SYT17: variants seen among roughly 807,000 people sequenced by gnomAD.
SYT17 encodes synaptotagmin-17.
Under a neutral mutation model 46.7 loss-of-function variants are expected in SYT17, and 22 were observed. The ratio of observed to expected loss-of-function variants is 0.47; its 90% CI spans 0.34 to 0.67. SYT17 has a LOEUF of 0.67. Ranked by LOEUF, SYT17 falls within the 30% of genes least tolerant of loss-of-function variation. SYT17 has a pLI of 0.01. For synonymous variants in SYT17, 251 were observed against 248.4 expected (o/e 1.01, Z -0.10); for missense variants, 519 against 612.8 (o/e 0.85, Z 1.62).
intron 5 of SYT17, among the ~76,000 whole-genome samples, chr16:19,197,644 C>T (rs1231917924): frequency 6.6e-6 from 1 of 152,066 alleles, no homozygotes; most frequent in African/African-American, 2.4e-5. Flanking sequence ...TCAGGCTGGT[C>T]TTGAGCTTCT....
At chr16:19,239,325 ATAAAATTT>A (rs1966918961) in intron 7 of SYT17, among the ~76,000 whole-genome samples, 1 of 149,908 alleles carries the variant, frequency 6.7e-6, no homozygotes, top group African/African-American at 2.5e-5. Flanking sequence ...TATATGTATA[ATAAAATTT>A]TAAAATGCCA....
Position 19,168,586 on chromosome 16 carries a change from C to A in SYT17, c.-61C>A. ...TGCTTTCTTCCCCCTCCGCTGTTGG[C>A]GAGGGCAAAGTGGCCGTGGCGGCGC... On this transcript the variant is annotated 5_prime_UTR_variant, in exon 1 of 8. Coordinates refer to ENST00000355377, the MANE Select transcript of SYT17 (RefSeq NM_016524.4). This position sits in a 1 kb window ranked among gnomAD's most constrained non-coding sequence, Gnocchi z 6.9. The A allele has an allele frequency of 5.8e-6, 9 of 1,541,772 alleles. No individual in the cohort carries two copies. Among genetic ancestry groups the A allele is most frequent in the Non-Finnish European group, 7.9e-6 (9 of 1,142,116 alleles).
At chr16:19,184,249 CTT>C in intron 5 of SYT17, 102 bp downstream of exon 5, 3 of 1,433,792 alleles carry the variant, frequency 2.1e-6, no homozygotes, top group Non-Finnish European at 2.8e-6. Flanking sequence ...ATTTTTAAAA[CTT>C]TTTATTTTGA....
intron 5 of SYT17, among the ~76,000 whole-genome samples, chr16:19,198,543 T>C (rs969743720): frequency 6.6e-6 from 1 of 152,244 alleles, no homozygotes; most frequent in African/African-American, 2.4e-5. Context: ...CCAGGGGCTA[T>C]TATTATTCCC....
intron 1 of SYT17, chr16:19,172,342 GC>G: frequency 7.3e-7 from 1 of 1,376,796 alleles, no homozygotes; most frequent in South Asian, 1.9e-5. Flanking sequence ...TCCACTGTGT[GC>G]CTGCCTGCAT....
intron 5 of SYT17, among the ~76,000 whole-genome samples, chr16:19,204,298 G>A (rs1426871764): frequency 6.6e-6 from 1 of 152,118 alleles, no homozygotes; most frequent in African/African-American, 2.4e-5. Context: ...GAGAACCACT[G>A]ATTTGAGAAT....
chr16:19,197,218 T>C (rs1040521417), intron 5 of SYT17, among the ~76,000 whole-genome samples: 1 of 152,218 alleles, frequency 6.6e-6, no homozygotes, highest in Non-Finnish European at 1.5e-5. Context: ...GTTTTGGCAA[T>C]GTTGTGTGGC....
At chr16:19,173,127 C>T (rs1964167843) in intron 2 of SYT17, 1 of 535,804 alleles carries the variant, frequency 1.9e-6, no homozygotes, top group African/African-American at 1.9e-5. Context: ...GTTGTATAAA[C>T]CACCCACATG....
At chr16:19,202,559 T>C (rs956277338) in intron 5 of SYT17, among the ~76,000 whole-genome samples, 4 of 152,218 alleles carry the variant, frequency 2.6e-5, no homozygotes, top group African/African-American at 4.8e-5. Flanking sequence ...CCATTGGCCA[T>C]TGGTGTCAGA....
Position 19,183,484 on chromosome 16 carries a change from C to T in SYT17, c.332-44C>T, listed in dbSNP as rs1328518971. The T allele has an allele frequency of 1.9e-6, 3 of 1,606,998 alleles. No individual in the cohort carries two copies. Among genetic ancestry groups the T allele is most frequent in the Middle Eastern group, 1.7e-4 (1 of 6,046 alleles). On this transcript the variant is annotated intron_variant, in intron 4 of 7. Coordinates refer to ENST00000355377, the MANE Select transcript of SYT17 (RefSeq NM_016524.4). The surrounding 1 kb of genome is among the most constrained non-coding windows in gnomAD (Gnocchi z 5.6). ...TTACCTGCAAAGTGGCCCAGGTCTG[C>T]CCCGTATGTGGCTGTCTTCATTGTT... is the stretch of plus-strand genomic sequence containing the variant.
At chr16:19,200,429 CA>C (rs1302510313) in intron 5 of SYT17, among the ~76,000 whole-genome samples, 2 of 152,194 alleles carry the variant, frequency 1.3e-5, no homozygotes, top group Admixed American at 1.3e-4. Flanking sequence ...ATTTTACATT[CA>C]TTTTTCACAC....
intron 5 of SYT17, among the ~76,000 whole-genome samples, chr16:19,215,123 C>T (rs1360294916): frequency 6.6e-6 from 1 of 152,182 alleles, no homozygotes; most frequent in Non-Finnish European, 1.5e-5. Context: ...AAATGTAAAT[C>T]TCAGCAATGT....
intron 7 of SYT17, among the ~76,000 whole-genome samples, chr16:19,260,216 G>A (rs993878336): frequency 6.6e-6 from 1 of 151,578 alleles, no homozygotes; most frequent in South Asian, 2.1e-4. Flanking sequence ...CTGGCTGGGC[G>A]CAATGGCTCA....
chr16:19,259,991 G>A (rs1253538397), intron 7 of SYT17, among the ~76,000 whole-genome samples: 3 of 152,084 alleles, frequency 2.0e-5, no homozygotes, highest in African/African-American at 7.2e-5. Flanking sequence ...GGGACAGCTG[G>A]AAACAGGGAC....
chr16:19,225,707 G>A (rs562828574), intron 7 of SYT17, among the ~76,000 whole-genome samples: 1 of 152,174 alleles, frequency 6.6e-6, no homozygotes, highest in South Asian at 2.1e-4. Flanking sequence ...CTGTTGAACT[G>A]GGGACCTCAG....
intron 7 of SYT17, among the ~76,000 whole-genome samples, chr16:19,234,583 G>A (rs1966818201): frequency 6.6e-6 from 1 of 152,122 alleles, no homozygotes; most frequent in Non-Finnish European, 1.5e-5. Flanking sequence ...GATAATTGAT[G>A]GACCCTGCCA....
chr16:19,247,634 G>A (rs534705437), intron 7 of SYT17, among the ~76,000 whole-genome samples: 10 of 152,256 alleles, frequency 6.6e-5, no homozygotes, highest in African/African-American at 9.6e-5. Context: ...TCCTTGCCCC[G>A]CAGAAGATTC....
chr16:19,232,953 A>T (rs1966758806), intron 7 of SYT17, among the ~76,000 whole-genome samples: 1 of 152,132 alleles, frequency 6.6e-6, no homozygotes, highest in East Asian at 1.9e-4. Flanking sequence ...CTTTAAAAAA[A>T]CTCTGATGCC....
chr16:19,191,605 A>G (rs192365329), intron 5 of SYT17, among the ~76,000 whole-genome samples: 82 of 152,338 alleles, frequency 5.4e-4, no homozygotes, highest in African/African-American at 1.8e-3. Flanking sequence ...AAGTGTACCA[A>G]TGTCAGCCAC....
Sources: allele counts gnomAD v4.1 joint callset (sites outside exome capture counted in the v4.1 genomes callset), GRCh38; gene constraint gnomAD v4.1.1; non-coding constraint Gnocchi (gnomAD v3.1); transcripts MANE v1.5; gene names NCBI Gene and HGNC (gene_info 2026-07-23, HGNC 2026-07-21).